The following IMPA2 variants were observed in gnomAD, a reference collection of about 807,000 sequenced individuals.
IMPA2 encodes the protein inositol monophosphatase 2.
IMPA2 carries 32 observed loss-of-function variants against 35.1 expected under a neutral mutation model. The observed-to-expected ratio is 0.91, with a 90% CI of 0.69 to 1.23. IMPA2 has a LOEUF of 1.23. IMPA2 is among the 50% of genes most tolerant of loss of function. IMPA2 has a pLI of 0.00. For missense variants in IMPA2, 334 were observed against 387.6 expected (o/e 0.86, Z 1.16); for synonymous variants, 135 against 160.6 (o/e 0.84, Z 1.20).
At chr18:11,985,470 A>C (rs1906639635) in intron 1 of IMPA2, among the ~76,000 whole-genome samples, 1 of 152,346 alleles carries the variant, frequency 6.6e-6, no homozygotes, top group African/African-American at 2.4e-5. Context: ...GATAATTTAG[A>C]AAATTTAGGC....
chr18:11,992,219 A>T lies in IMPA2; in HGVS notation c.97-6835A>T, dbSNP rs1248732922. ...CACATAAAATTAACCATCACAACAC[A>T]TTCACTTGTGTTGCAGTAAATCTGG... On this transcript the variant is annotated intron_variant, in intron 1 of 7. Transcript: ENST00000269159. Among the ~76,000 whole-genome samples, 3 of 152,230 alleles carry T rather than the reference A, an allele frequency of 2.0e-5. 1 individual carries two copies. The highest frequency in any genetic ancestry group is 7.2e-5 in the African/African-American group (3 of 41,472).
chr18:12,011,222 G>C (rs1322228857), intron 3 of IMPA2, among the ~76,000 whole-genome samples: 3 of 152,204 alleles, frequency 2.0e-5, no homozygotes, highest in Non-Finnish European at 2.9e-5. Flanking sequence ...ACTGGGAAAA[G>C]AGCAGCAATT....
At chr18:11,982,077 T>C (rs1294354957) in intron 1 of IMPA2, among the ~76,000 whole-genome samples, 1 of 152,284 alleles carries the variant, frequency 6.6e-6, no homozygotes, top group Admixed American at 6.5e-5. Flanking sequence ...ACGGGGCTGT[T>C]GATTTTTAAG....
At chr18:12,006,199 G>A (rs1243892542) in intron 2 of IMPA2, among the ~76,000 whole-genome samples, 1 of 152,360 alleles carries the variant, frequency 6.6e-6, no homozygotes, top group East Asian at 1.9e-4. Flanking sequence ...ATCATCACCT[G>A]TGTGTCTCCT....
chr18:11,990,226 C>T (rs1208993081), intron 1 of IMPA2, among the ~76,000 whole-genome samples: 1 of 152,188 alleles, frequency 6.6e-6, no homozygotes, highest in East Asian at 1.9e-4. Context: ...CTGGGCTCAC[C>T]TTTCATGTGA....
intron 1 of IMPA2, among the ~76,000 whole-genome samples, chr18:11,987,042 A>C (rs1341160090): frequency 6.6e-6 from 1 of 152,218 alleles, no homozygotes; most frequent in African/African-American, 2.4e-5. Context: ...TCTTCCCAGC[A>C]GGATTTTTCA....
At chr18:11,992,579 T>G (rs914383577) in intron 1 of IMPA2, among the ~76,000 whole-genome samples, 7 of 152,306 alleles carry the variant, frequency 4.6e-5, no homozygotes, top group East Asian at 1.9e-4. Context: ...CAGGCTTCAG[T>G]GACTTCAGGC....
chr18:11,990,095 G>A (rs941233957), intron 1 of IMPA2, among the ~76,000 whole-genome samples: 4 of 152,212 alleles, frequency 2.6e-5, no homozygotes, highest in Admixed American at 6.5e-5. Flanking sequence ...TTCTGTGGGA[G>A]TGAGGGAAGG....
chr18:11,999,302 C>A, intron 2 of IMPA2, 115 bp downstream of exon 2: 3 of 948,262 alleles, frequency 3.2e-6, no homozygotes, highest in Non-Finnish European at 4.6e-6. Flanking sequence ...AGACGTGAAG[C>A]CCTAAGCCAC....
intron 5 of IMPA2, among the ~76,000 whole-genome samples, chr18:12,019,644 T>C (rs546200059): frequency 1.1e-4 from 17 of 152,258 alleles, no homozygotes; most frequent in African/African-American, 3.4e-4. Context: ...TTGAAATCCA[T>C]TGGGCTATCT....
intron 5 of IMPA2, among the ~76,000 whole-genome samples, chr18:12,015,287 C>T (rs769751099): frequency 1.1e-4 from 16 of 152,342 alleles, no homozygotes; most frequent in Middle Eastern, 3.4e-3. Flanking sequence ...CATCAGCCTC[C>T]CTGCCGCCTC....
In IMPA2 at chr18:12,028,171, G is replaced by A. The variant is rs764933951; in HGVS notation, c.599+20G>A. 1 of 1,487,100 alleles carries A rather than the reference G, an allele frequency of 6.7e-7. No homozygotes were observed. Among genetic ancestry groups the A allele is most frequent in the Non-Finnish European group, 9.4e-7 (1 of 1,065,070 alleles). 92.1% of individuals were successfully genotyped at this position (1,487,100 alleles called of 1,614,324 possible). A position where few individuals can be genotyped will look rare whatever the true frequency, so the allele number is the denominator to read the frequency against. On this transcript the variant is annotated intron_variant, in intron 6 of 7. Transcript: ENST00000269159. ...GCATGGGTAGGAGGTTCAGTTCGGG[G>A]AACACCCTGCAGCCCGAGGAGGAAG...
intron 5 of IMPA2, chr18:12,017,771 T>C (rs1907619261): frequency 3.0e-6 from 1 of 337,920 alleles, no homozygotes; most frequent in East Asian, 1.0e-4. Context: ...TTGTATTTTT[T>C]AGTAGAGACG....
intron 5 of IMPA2, among the ~76,000 whole-genome samples, chr18:12,027,731 A>G (rs1384946569): frequency 4.6e-5 from 7 of 151,098 alleles, no homozygotes; most frequent in Non-Finnish European, 1.0e-4. Flanking sequence ...CTGTGCCACC[A>G]TGCCCAGCTA....
chr18:12,027,633 T>C (rs544257495), intron 5 of IMPA2, among the ~76,000 whole-genome samples: 5 of 146,298 alleles, frequency 3.4e-5, no homozygotes, highest in African/African-American at 1.3e-4. Flanking sequence ...TGGAATGTGG[T>C]GGCGCAATCA....
At chr18:11,983,802 C>CGAGG (rs1471929095) in intron 1 of IMPA2, among the ~76,000 whole-genome samples, 1 of 152,014 alleles carries the variant, frequency 6.6e-6, no homozygotes, top group Non-Finnish European at 1.5e-5. Flanking sequence ...AGAAGCCACA[C>CGAGG]GAGGTCATCG....
At chr18:11,998,497 C>T (rs766612975) in intron 1 of IMPA2, among the ~76,000 whole-genome samples, 1 of 152,218 alleles carries the variant, frequency 6.6e-6, no homozygotes. Flanking sequence ...CACAGTTTAG[C>T]TCTCCCGGGT....
intron 2 of IMPA2, among the ~76,000 whole-genome samples, chr18:12,000,697 G>A (rs2143792224): frequency 1.4e-5 from 2 of 145,820 alleles, no homozygotes; most frequent in South Asian, 4.4e-4. Context: ...CTCACTGCAA[G>A]CTCCACCTCC....
chr18:12,028,681 C>A, intron 6 of IMPA2, 161 bp from the exon 7 acceptor site: 1 of 829,236 alleles, frequency 1.2e-6, no homozygotes, highest in East Asian at 2.5e-5. Flanking sequence ...TGGTTGGTGG[C>A]TCCAGGCCCT....
Sources: allele counts gnomAD v4.1 joint callset (sites outside exome capture counted in the v4.1 genomes callset), GRCh38; gene constraint gnomAD v4.1.1; transcripts MANE v1.5; gene names NCBI Gene and HGNC (gene_info 2026-07-23, HGNC 2026-07-21).